Variants in WDR20 observed in about 807,000 individuals in gnomAD.
WDR20 encodes the protein WD repeat-containing protein 20.
WDR20 carries 3 observed loss-of-function variants against 38.7 expected under a neutral mutation model. That is an observed-to-expected ratio of 0.08 (90% CI 0.04 to 0.20). The LOEUF (loss-of-function observed/expected upper bound fraction) is 0.20. WDR20 is among the 10% of genes least tolerant of loss of function. The pLI is 1.00. For synonymous variants in WDR20, 298 were observed against 285.6 expected, an observed-to-expected ratio of 1.04 and a Z score of -0.44; for missense variants, 559 against 727.7, an observed-to-expected ratio of 0.77 and a Z score of 2.67.
In WDR20 at chr14:102,142,630, T is replaced by C. The variant is rs1032559238; in HGVS notation, c.249+2458T>C. ...CACCCTGGCTAATTAAAAAAAAAAATGTTTTTTAGAGATGGAGGTCTTGCC... is the reference window on the plus strand; with the variant it reads ...CACCCTGGCTAATTAAAAAAAAAAACGTTTTTTAGAGATGGAGGTCTTGCC... On this transcript the variant is annotated intron_variant, in intron 1 of 2. Transcript: ENST00000342702. 3.3e-5 allele frequency among the ~76,000 whole-genome samples: 5 copies of C among 151,306 alleles called. No homozygotes were observed. The East Asian group carries it at 9.7e-4, about 29-fold the overall frequency.
intron 1 of WDR20, among the ~76,000 whole-genome samples, chr14:102,189,202 C>T (rs1440378528): frequency 6.6e-6 from 1 of 151,988 alleles, no homozygotes; most frequent in Non-Finnish European, 1.5e-5. Flanking sequence ...AGAGCGAGAC[C>T]CTGTCTCAAT....
At chr14:102,166,370 C>T (rs1206863859) in intron 1 of WDR20, among the ~76,000 whole-genome samples, 1 of 152,096 alleles carries the variant, frequency 6.6e-6, no homozygotes, top group Non-Finnish European at 1.5e-5. Flanking sequence ...TCTTTGTAAC[C>T]TAGTTAAACC....
chr14:102,200,459 T>TGTG (rs1425038760), intron 2 of WDR20, among the ~76,000 whole-genome samples: 2 of 92,784 alleles, frequency 2.2e-5, no homozygotes, highest in Non-Finnish European at 4.8e-5. Flanking sequence ...CTTTTTAAAT[T>TGTG]TTTTTTTTTG....
At chr14:102,168,641 G>A (rs1378352744) in intron 1 of WDR20, among the ~76,000 whole-genome samples, 1 of 152,148 alleles carries the variant, frequency 6.6e-6, no homozygotes, top group African/African-American at 2.4e-5. Flanking sequence ...AACTTTATAT[G>A]AAGGTGTGAC....
At chr14:102,215,318 C>G (rs1352144964), downstream of WDR20, among the ~76,000 whole-genome samples, 1 of 152,318 alleles carries the variant, frequency 6.6e-6, no homozygotes, top group East Asian at 1.9e-4. Flanking sequence ...AGAATGCAGA[C>G]ATTCTGAAGT....
At chr14:102,187,496 G>A (rs1455084027) in intron 1 of WDR20, among the ~76,000 whole-genome samples, 1 of 151,960 alleles carries the variant, frequency 6.6e-6, no homozygotes, top group Non-Finnish European at 1.5e-5. Context: ...GGAATGGCAG[G>A]AAAGGCAAGG....
rs534413516 is a variant in WDR20 at position 102,186,733 on chromosome 14, C to T, written c.250-8205C>T. ...TTGGGAGGCCGAGGCAGGCGGATCA[C>T]GAGGTCAGGAGATGGAGACCACCCT... On this transcript the variant is annotated intron_variant, in intron 1 of 2. Coordinates refer to ENST00000342702, the MANE Select transcript of WDR20 (RefSeq NM_144574.4). Among the ~76,000 whole-genome samples the T allele has an allele frequency of 1.3e-4, 20 of 152,146 alleles. No homozygotes were observed. In the South Asian group the frequency reaches 2.9e-3, roughly 22 times the overall value.
chr14:102,191,008 A>AG (rs896286507), intron 1 of WDR20, among the ~76,000 whole-genome samples: 4 of 152,026 alleles, frequency 2.6e-5, no homozygotes, highest in Non-Finnish European at 4.4e-5. Flanking sequence ...CTCAAAAAAA[A>AG]AAAAAAAGAA....
intron 1 of WDR20, among the ~76,000 whole-genome samples, chr14:102,152,586 C>A (rs2056299600): frequency 6.6e-6 from 1 of 151,674 alleles, no homozygotes; most frequent in African/African-American, 2.4e-5. Context: ...GGCCAATTTT[C>A]GTATTTTTAC....
intron 1 of WDR20, among the ~76,000 whole-genome samples, chr14:102,160,131 C>T (rs1319538437): frequency 6.7e-6 from 1 of 150,274 alleles, no homozygotes; most frequent in Non-Finnish European, 1.5e-5. Context: ...CTTGAATGCG[C>T]TCAAATTATT....
At chr14:102,169,251 G>T (rs1216006279) in intron 1 of WDR20, among the ~76,000 whole-genome samples, 1 of 152,126 alleles carries the variant, frequency 6.6e-6, no homozygotes, top group Non-Finnish European at 1.5e-5. Flanking sequence ...TCAGGTCTCT[G>T]CCCAAATGTG....
intron 1 of WDR20, chr14:102,191,406 C>G (rs1166877042): frequency 6.5e-6 from 1 of 152,910 alleles, no homozygotes; most frequent in Non-Finnish European, 1.5e-5. Context: ...GGCAGACACC[C>G]CATCCCCCGC....
intron 2 of WDR20, among the ~76,000 whole-genome samples, chr14:102,200,311 G>C (rs2060079402): frequency 6.6e-6 from 1 of 152,180 alleles, no homozygotes; most frequent in African/African-American, 2.4e-5. Context: ...ATTATTGAAA[G>C]TATCTTGGCG....
At position 102,222,114 on chromosome 14, in the gene WDR20, C is replaced by T. The variant is rs561106551; in HGVS notation, c.1693-716C>T. Among the ~76,000 whole-genome samples the T allele has an allele frequency of 6.4e-4, 97 of 151,520 alleles. No individual in the cohort carries two copies. The highest frequency in any genetic ancestry group is 3.4e-3 in the Middle Eastern group (1 of 292). The stretch of plus-strand genomic sequence containing the variant: ...CCCCCGCCCCCGACAGTGAGCCTCT[C>T]AGCAGGAGCCGCCCTAAAGAGCCAG... On this transcript the variant is annotated intron_variant, in intron 3 of 3. Coordinates refer to the WDR20 transcript ENST00000335263. This position sits in a 1 kb window ranked among gnomAD's most constrained non-coding sequence, Gnocchi z 4.4.
At chr14:102,158,441 G>C (rs1005352001) in intron 1 of WDR20, among the ~76,000 whole-genome samples, 1 of 152,080 alleles carries the variant, frequency 6.6e-6, no homozygotes, top group Non-Finnish European at 1.5e-5. Context: ...GAGATTACAG[G>C]CATGTACCAC....
chr14:102,167,592 G>GT lies in WDR20; in HGVS notation c.250-27343dup, dbSNP rs2060015115. On this transcript the variant is annotated intron_variant, in intron 1 of 2. Transcript: ENST00000342702. ...TTCCTCACTCTCTGCCCCTTCATCTGTTTAACTCCTACTCCTTGAAATCTT... is the reference window on the plus strand; with the variant it reads ...TTCCTCACTCTCTGCCCCTTCATCTGTTTTAACTCCTACTCCTTGAAATCTT... The GT allele has an allele frequency of 2.6e-5, 4 of 152,300 alleles. 1 individual carries two copies. Among genetic ancestry groups the GT allele is most frequent in the African/African-American group, 9.6e-5 (4 of 41,528 alleles). 9.4% of individuals were successfully genotyped at this position (152,300 alleles called of 1,614,324 possible).
downstream of WDR20, among the ~76,000 whole-genome samples, chr14:102,218,013 G>A (rs1452070366): frequency 6.6e-6 from 1 of 152,230 alleles, no homozygotes; most frequent in East Asian, 1.9e-4. Context: ...CAGTGGAGGT[G>A]ACCTCCACAG....
chr14:102,140,196 GC>G, intron 1 of WDR20, 24 bp downstream of exon 1: 1 of 1,607,292 alleles, frequency 6.2e-7, no homozygotes, highest in East Asian at 2.2e-5. Context: ...CGTCACCGGA[GC>G]CAGCCAGCGG....
chr14:102,218,794 C>T (rs564219946), downstream of WDR20, among the ~76,000 whole-genome samples: 1 of 152,228 alleles, frequency 6.6e-6, no homozygotes, highest in Non-Finnish European at 1.5e-5. Context: ...CAGATTCTGC[C>T]TGGGGAGCTC....
Sources: allele counts gnomAD v4.1 joint callset (sites outside exome capture counted in the v4.1 genomes callset), GRCh38; gene constraint gnomAD v4.1.1; non-coding constraint Gnocchi (gnomAD v3.1); transcripts MANE v1.5; gene names NCBI Gene and HGNC (gene_info 2026-07-23, HGNC 2026-07-21).